Variants in ATXN2 observed in about 807,000 individuals in gnomAD.
The protein encoded by ATXN2 is ataxin-2.
Under a neutral mutation model 138.6 loss-of-function variants are expected in ATXN2, and 37 were observed. The observed-to-expected ratio is 0.27, with a 90% confidence interval of 0.21 to 0.35. The LOEUF is 0.35. Among genes scored for constraint, ATXN2 ranks in the 10% least tolerant of loss-of-function variants. The probability of loss-of-function intolerance (pLI) is 1.00; values close to 1 mark genes in which losing one functional copy is unlikely to be tolerated. For missense variants in ATXN2, 1,216 were observed against 1,480.3 expected, an observed-to-expected ratio of 0.82 and a Z score of 2.93; for synonymous variants, 549 against 543.7, an observed-to-expected ratio of 1.01 and a Z score of -0.13.
intron 14 of ATXN2, among the ~76,000 whole-genome samples, chr12:111,501,459 A>G (rs1878756261): frequency 6.6e-6 from 1 of 152,212 alleles, no homozygotes; most frequent in South Asian, 2.1e-4. Flanking sequence ...TACACAGCCA[A>G]AAAGGTTGCC....
At chr12:111,494,698 A>G (rs769554299) in intron 14 of ATXN2, among the ~76,000 whole-genome samples, 7 of 152,190 alleles carry the variant, frequency 4.6e-5, no homozygotes, top group Admixed American at 6.5e-5. Context: ...TGCTGGGATT[A>G]CAGGTGTGAA....
chr12:111,455,439 A>T, intron 23 of ATXN2: 1 of 334,460 alleles, frequency 3.0e-6, no homozygotes, highest in Non-Finnish European at 5.7e-6. Flanking sequence ...CTGCTCTTAA[A>T]GAAAAATGGG....
chr12:111,463,496 C>T (rs777776873), intron 21 of ATXN2, among the ~76,000 whole-genome samples: 7 of 152,222 alleles, frequency 4.6e-5, no homozygotes, highest in African/African-American at 9.6e-5. Context: ...AGGCTGTTCT[C>T]GAACTCCTGG....
chr12:111,591,364 T>TTAAAAA (rs149062199), intron 1 of ATXN2, among the ~76,000 whole-genome samples: 15,390 of 151,786 alleles, frequency 0.1, 2,597 homozygotes, highest in African/African-American at 0.35. Context: ...AACTTAAAAT[T>TTAAAAA]TAAAAATAAA....
rs1168598221 is a variant in ATXN2, at chr12:111,485,304, T to C, written c.2485A>G (p.Met829Val). The C allele has an allele frequency of 6.2e-7, 1 of 1,613,082 alleles. No homozygotes were observed. The highest frequency in any genetic ancestry group is 8.5e-7 in the Non-Finnish European group (1 of 1,179,412). Residue 829 changes from methionine (M) to valine (V), a missense_variant, in exon 18 of 25, where the codon ATG (methionine) becomes GTG (valine). Physicochemically the swap from Met to Val is conservative, Grantham distance 21. Around this residue, in one of 4 missense-constraint regions of ATXN2, gnomAD observed 490 missense variants for 653.5 expected, o/e 0.75. Coordinates refer to ENST00000673436, the MANE Select transcript of ATXN2 (RefSeq NM_001372574.1). The stretch of plus-strand genomic sequence containing the variant: ...TATGTCTTGGCTTGATTCACTGGCA[T>C]GGGCGTCATAGGTATTGGGTATAAA... ...QPLYPIPMTP[M>V]PVNQAKTYRA...
At chr12:111,479,727 T>C (rs1877081829) in intron 18 of ATXN2, among the ~76,000 whole-genome samples, 1 of 152,032 alleles carries the variant, frequency 6.6e-6, no homozygotes, top group Non-Finnish European at 1.5e-5. Context: ...TTTTTTTTTG[T>C]TTTGTTCATC....
chr12:111,550,410 C>A (rs1049590087), intron 5 of ATXN2, among the ~76,000 whole-genome samples: 4 of 152,150 alleles, frequency 2.6e-5, no homozygotes, highest in Admixed American at 6.5e-5. Context: ...AAAGACAATG[C>A]ATACCGTAAA....
intron 5 of ATXN2, among the ~76,000 whole-genome samples, chr12:111,548,783 G>A (rs1881970882): frequency 6.6e-6 from 1 of 152,144 alleles, no homozygotes; most frequent in East Asian, 1.9e-4. Context: ...CTGGAGTGCA[G>A]TGGCATGATC....
intron 7 of ATXN2, among the ~76,000 whole-genome samples, 193 bp downstream of exon 7, chr12:111,520,689 A>G (rs543842732): frequency 6.6e-6 from 1 of 152,346 alleles, no homozygotes; most frequent in South Asian, 2.1e-4. Context: ...TGTTTAGAGC[A>G]TAAAAACAGG....
chr12:111,509,788 T>C (rs1040582153), intron 13 of ATXN2, 103 bp downstream of exon 13: 9 of 1,005,110 alleles, frequency 9.0e-6, no homozygotes, highest in Non-Finnish European at 1.2e-5. Context: ...TCTATCACAA[T>C]AGTAAGAAGA....
chr12:111,566,765 T>C (rs1462053715), intron 1 of ATXN2, among the ~76,000 whole-genome samples: 2 of 152,012 alleles, frequency 1.3e-5, no homozygotes, highest in African/African-American at 4.8e-5. Context: ...GTCTCCCAAG[T>C]AGCTGGGATT....
At chr12:111,501,663 G>C (rs1302181364) in intron 14 of ATXN2, among the ~76,000 whole-genome samples, 1 of 152,066 alleles carries the variant, frequency 6.6e-6, no homozygotes, top group Non-Finnish European at 1.5e-5. Flanking sequence ...TATTTATGTG[G>C]GCACACTGGC....
In ATXN2 at chr12:111,520,050, T is replaced by C. The variant is rs769881652; in HGVS notation, c.815A>G (p.Glu272Gly). 1.2e-6 allele frequency: 2 copies of C among 1,614,042 alleles called. No homozygotes were observed. Among genetic ancestry groups the C allele is most frequent in the Non-Finnish European group, 8.5e-7 (1 of 1,180,026 alleles). Reference protein sequence around the residue: ...YTVPLERDNSEEFLKREARAN... With the variant: ...YTVPLERDNSGEFLKREARAN... Reference sequence around the variant, plus strand: ...CCTTGCTTCCCGTTTTAAAAATTCTTCTGAGTTATCTCTTTCTAAGGGCAC... The same window carrying C: ...CCTTGCTTCCCGTTTTAAAAATTCTCCTGAGTTATCTCTTTCTAAGGGCAC... Residue 272 changes from glutamate to glycine, a missense_variant, in exon 8 of 25, where the codon GAA becomes GGA. Physicochemically the swap from Glu to Gly is moderately conservative, Grantham distance 98. Transcript: ENST00000673436.
rs115855490 is a variant in ATXN2 at position 111,487,088 on chromosome 12, T to A, written c.2241-264A>T. ...TCAAAGGCAATCAAAAAATACTTTTTTTTTTTCCTTCACAGAGTCCCACTC... is the reference window on the plus strand; with the variant it reads ...TCAAAGGCAATCAAAAAATACTTTTATTTTTTCCTTCACAGAGTCCCACTC... On this transcript the variant is annotated intron_variant, in intron 15 of 24. Transcript: ENST00000673436. Among the ~76,000 whole-genome samples the A allele has an allele frequency of 9.4e-3, 1,429 of 152,214 alleles. 26 individuals are homozygous for A. Among genetic ancestry groups the A allele is most frequent in the African/African-American group, 0.032 (1,347 of 41,530 alleles).
At chr12:111,593,517 T>G (rs1884784172) in intron 1 of ATXN2, among the ~76,000 whole-genome samples, 2 of 151,878 alleles carry the variant, frequency 1.3e-5, no homozygotes. Context: ...AAGTTTACAT[T>G]TAACCAAAAA....
At chr12:111,513,650 A>G (rs1450203694) in intron 10 of ATXN2, 111 bp from the exon 11 acceptor site, 1 of 868,616 alleles carries the variant, frequency 1.2e-6, no homozygotes, top group East Asian at 3.4e-5. Context: ...CTCACTCTAC[A>G]GTTTTTCCTT....
intron 11 of ATXN2, among the ~76,000 whole-genome samples, chr12:111,512,296 A>C (rs1879576240): frequency 6.6e-6 from 1 of 151,938 alleles, no homozygotes; most frequent in Admixed American, 6.6e-5. Context: ...AAAAGAGAAA[A>C]AGTGTTTTTT....
chr12:111,597,951 G>C, intron 1 of ATXN2: 5 of 1,245,348 alleles, frequency 4.0e-6, no homozygotes, highest in Non-Finnish European at 5.2e-6. Flanking sequence ...CTGCGGCCTC[G>C]AACAGCAATG....
At position 111,552,378 on chromosome 12, in the gene ATXN2, C is replaced by A. The variant is rs1207398661; in HGVS notation, c.473G>T (p.Gly158Val). ...CTCCATTATTTCTTCACGTTTCGGC[C>A]CCGAACTGGATTCTGTACTTTTCTC... Reference protein sequence around the residue: ...AHEKSTESSSGPKREEIMESI... With the variant: ...AHEKSTESSSVPKREEIMESI... The change falls in exon 5 of 25, where the codon GGG becomes GTG. Residue 158 changes from glycine (G) to valine (V), a missense_variant. Physicochemically the swap from Gly to Val is moderately radical, Grantham distance 109. Coordinates refer to ENST00000673436, the MANE Select transcript of ATXN2 (RefSeq NM_001372574.1). The surrounding 1 kb of genome is among the most constrained non-coding windows in gnomAD (Gnocchi z 4.1). The A allele has an allele frequency of 6.2e-7, 1 of 1,613,868 alleles. No individual in the cohort carries two copies. The highest frequency in any genetic ancestry group is 2.2e-5 in the East Asian group (1 of 44,852).
Sources: gnomAD v4.1 joint callset for allele counts (sites outside exome capture counted in the v4.1 genomes callset) on GRCh38, gnomAD v4.1.1 for gene constraint, gnomAD v4.1.1 regional missense constraint, Gnocchi (gnomAD v3.1) non-coding constraint, MANE v1.5 for transcripts, NCBI Gene and HGNC (gene_info 2026-07-23, HGNC 2026-07-21) for gene names.